Variants in NBEAL1 observed in about 807,000 individuals in gnomAD.
NBEAL1 encodes neurobeachin like 1, also known as neurobeachin-like protein 1.
In NBEAL1, 273 loss-of-function variants were observed where a neutral mutation model predicts 351.3. The ratio of observed to expected loss-of-function variants is 0.78; its 90% CI spans 0.70 to 0.86. The LOEUF (loss-of-function observed/expected upper bound fraction) is 0.86. NBEAL1 is among the 40% of genes least tolerant of loss of function. NBEAL1 has a pLI of 0.00. For missense variants in NBEAL1, 2,961 were observed against 3,201.3 expected, an observed-to-expected ratio of 0.92 and a Z score of 1.81; for synonymous variants, 1,050 against 1,086.4, an observed-to-expected ratio of 0.97 and a Z score of 0.66.
chr2:203,055,507 G>T (rs1319817408), intron 4 of NBEAL1, among the ~76,000 whole-genome samples: 1 of 151,992 alleles, frequency 6.6e-6, no homozygotes, highest in Non-Finnish European at 1.5e-5. Flanking sequence ...CAGGAAGCTG[G>T]GGTGGGAGGA....
At chr2:203,181,443 T>G (rs190668791) in intron 43 of NBEAL1, 1 of 152,162 alleles carries the variant, frequency 6.6e-6, no homozygotes, top group Non-Finnish European at 1.5e-5. Context: ...TGAAAATTTA[T>G]GTTATGTTTT....
At chr2:203,070,924 C>A (rs1157606610) in intron 7 of NBEAL1, among the ~76,000 whole-genome samples, 1 of 152,176 alleles carries the variant, frequency 6.6e-6, no homozygotes, top group African/African-American at 2.4e-5. Flanking sequence ...TATCAGCTGG[C>A]TAATTTAACA....
chr2:203,190,332 A>C lies in NBEAL1; in HGVS notation c.6864A>C (p.Arg2288Ser). 1 of 1,612,696 alleles carries C rather than the reference A, an allele frequency of 6.2e-7. No individual in the cohort carries two copies. The highest frequency in any genetic ancestry group is 8.5e-7 in the Non-Finnish European group (1 of 1,179,736). The change falls in exon 46 of 56, where the codon AGA (arginine) becomes AGC (serine). Residue 2288 changes from arginine to serine, a missense_variant. Arg to Ser is a moderately radical substitution (Grantham distance 110). Coordinates refer to ENST00000683969, the MANE Select transcript of NBEAL1 (RefSeq NM_001378026.1). The stretch of plus-strand genomic sequence containing the variant: ...ATGCCTTAACAGATGAGAAAGAAAG[A>C]AAAGCCTTAGAAGGGATGATTAATA... ...DLDALTDEKE[R>S]KALEGMINNF... is the part of the protein sequence containing the mutation.
At chr2:203,207,908 G>C (rs1010955261) in intron 51 of NBEAL1, among the ~76,000 whole-genome samples, 43 of 152,216 alleles carry the variant, frequency 2.8e-4, no homozygotes, top group Admixed American at 3.3e-4. Flanking sequence ...AAAGCAGTTA[G>C]AGAAAGAATG....
At position 203,016,324 on chromosome 2, in the gene NBEAL1, T is replaced by A; in HGVS notation, c.-61T>A. On this transcript the variant is annotated 5_prime_UTR_variant, in exon 2 of 56. An upstream start codon of the reference 5' UTR is lost. Transcript: ENST00000683969. ...AAAAACTTGGAAAATAAAATGGACATGCTGTAGTCTTGAACATAATTTTTT... is the reference window on the plus strand; with the variant it reads ...AAAAACTTGGAAAATAAAATGGACAAGCTGTAGTCTTGAACATAATTTTTT... 8.5e-7 allele frequency: 1 copy of A among 1,180,946 alleles called. No individual in the cohort carries two copies. The highest frequency in any genetic ancestry group is 1.2e-6 in the Non-Finnish European group (1 of 849,812). The allele number at this position is 1,180,946 out of a possible 1,614,324, so 73.2% of individuals were successfully genotyped here.
intron 14 of NBEAL1, 74 bp from the exon 15 acceptor site, chr2:203,110,076 G>T: frequency 7.3e-7 from 1 of 1,368,336 alleles, no homozygotes; most frequent in South Asian, 1.5e-5. Flanking sequence ...ATGGCTTTAT[G>T]GTTTTATGTA....
In NBEAL1 at chr2:203,128,069, C is replaced by A. The variant is rs551646552; in HGVS notation, c.3405+132C>A. 1.1e-4 allele frequency: 71 copies of A among 642,148 alleles called. No homozygotes were observed. The African/African-American group carries it at 1.2e-3, about 11-fold the overall frequency. The allele number at this position is 642,148 out of a possible 1,614,324, so 39.8% of individuals were successfully genotyped here. ...GTGTAGTGTCACATTCAATATTATG[C>A]ACTTAAGAAGTAAATTTTATCTTTT... On this transcript the variant is annotated intron_variant, in intron 24 of 55. Coordinates refer to ENST00000683969, the MANE Select transcript of NBEAL1 (RefSeq NM_001378026.1).
At chr2:203,053,120 C>T (rs375431595) in intron 4 of NBEAL1, among the ~76,000 whole-genome samples, 2 of 152,078 alleles carry the variant, frequency 1.3e-5, no homozygotes, top group South Asian at 2.1e-4. Flanking sequence ...CTGTATCATA[C>T]GGTAAGCTTA....
At chr2:203,158,545 CCTCT>C (rs1163679354) in intron 36 of NBEAL1, among the ~76,000 whole-genome samples, 23 of 152,096 alleles carry the variant, frequency 1.5e-4, no homozygotes, top group Non-Finnish European at 7.3e-5. Context: ...TTCCTCATCT[CCTCT>C]TTGTGTCACT....
At chr2:203,142,497 G>A (rs1181156182) in intron 31 of NBEAL1, among the ~76,000 whole-genome samples, 1 of 152,016 alleles carries the variant, frequency 6.6e-6, no homozygotes, top group Non-Finnish European at 1.5e-5. Flanking sequence ...TGACCCTAAT[G>A]CAAGACTATT....
intron 33 of NBEAL1, among the ~76,000 whole-genome samples, chr2:203,147,147 AC>A (rs2063533975): frequency 6.6e-6 from 1 of 152,150 alleles, no homozygotes; most frequent in Admixed American, 6.5e-5. Context: ...TTACTGTTGT[AC>A]CACAAATCTT....
chr2:203,213,543 G>A lies in NBEAL1; in HGVS notation c.7960G>A (p.Ala2654Thr). The change falls in exon 55 of 56, where the codon GCC becomes ACC. Residue 2654 changes from alanine (A) to threonine (T), a missense_variant. By Grantham distance (58) the Ala-to-Thr change is moderately conservative. Coordinates refer to ENST00000683969, the MANE Select transcript of NBEAL1 (RefSeq NM_001378026.1). ...HSLNLSINPL[A>T]MRLPIHCVCV... ...CTTGAATCTCAGCATCAACCCATTAGCCATGCGACTGCCTATCCATTGTGT... is the reference window on the plus strand; with the variant it reads ...CTTGAATCTCAGCATCAACCCATTAACCATGCGACTGCCTATCCATTGTGT... 4 of 1,613,490 alleles carry A rather than the reference G, an allele frequency of 2.5e-6. No homozygotes were observed. Among genetic ancestry groups the A allele is most frequent in the South Asian group, 1.1e-5 (1 of 90,956 alleles).
At chr2:203,187,597 T>C (rs1440516351) in intron 44 of NBEAL1, among the ~76,000 whole-genome samples, 1 of 151,380 alleles carries the variant, frequency 6.6e-6, no homozygotes, top group Non-Finnish European at 1.5e-5. Flanking sequence ...AAAAATTAGC[T>C]GGGCGTGGTG....
intron 12 of NBEAL1, among the ~76,000 whole-genome samples, chr2:203,101,976 G>T (rs1025403133): frequency 1.3e-5 from 2 of 152,126 alleles, no homozygotes; most frequent in African/African-American, 4.8e-5. Context: ...GTGTCATCTC[G>T]GATTTCTTTC....
intron 41 of NBEAL1, 63 bp downstream of exon 41, chr2:203,172,916 T>A (rs1030723480): frequency 4.1e-6 from 6 of 1,467,884 alleles, no homozygotes; most frequent in Non-Finnish European, 5.4e-6. Context: ...ATTGATTTTT[T>A]ACTATGGCCA....
At chr2:203,112,151 A>G (rs2062588045) in intron 16 of NBEAL1, 53 bp downstream of exon 16, 2 of 1,509,492 alleles carry the variant, frequency 1.3e-6, no homozygotes, top group Non-Finnish European at 8.9e-7. Context: ...GAATTCTTGA[A>G]ATGTTTTAGT....
At chr2:203,121,197 A>AT (rs138726423) in intron 18 of NBEAL1, among the ~76,000 whole-genome samples, 5,430 of 149,760 alleles carry the variant, frequency 0.036, 309 homozygotes, top group African/African-American at 0.12. Context: ...TTATATTATG[A>AT]TTTTTTTTTT....
intron 2 of NBEAL1, among the ~76,000 whole-genome samples, chr2:203,030,931 C>T (rs2060940156): frequency 6.6e-6 from 1 of 152,164 alleles, no homozygotes; most frequent in African/African-American, 2.4e-5. Flanking sequence ...GTGAGGATCA[C>T]TCGAACCCAG....
chr2:203,194,380 T>C (rs556209915), intron 47 of NBEAL1, among the ~76,000 whole-genome samples: 114 of 152,300 alleles, frequency 7.5e-4, no homozygotes, highest in Middle Eastern at 3.4e-3. Flanking sequence ...ATATACATAT[T>C]AAATTGAGTA....
Sources: allele counts gnomAD v4.1 joint callset (sites outside exome capture counted in the v4.1 genomes callset), GRCh38; gene constraint gnomAD v4.1.1; transcripts MANE v1.5; gene names NCBI Gene and HGNC (gene_info 2026-07-23, HGNC 2026-07-21).